Variants in GLRA2 observed in about 807,000 individuals in gnomAD.
GLRA2 encodes the protein glycine receptor alpha 2, also known as glycine receptor subunit alpha-2.
A neutral mutation model predicts 31.6 loss-of-function variants in GLRA2; 11 were observed. That is an observed-to-expected ratio of 0.35 (90% CI 0.22 to 0.58). GLRA2 has a LOEUF of 0.58. Ranked by LOEUF, GLRA2 falls within the 20% of genes least tolerant of loss-of-function variation. The probability of loss-of-function intolerance (pLI) is 0.84; values close to 1 mark genes in which losing one functional copy is unlikely to be tolerated. For missense variants in GLRA2, 212 were observed against 351.8 expected (o/e 0.60, Z 3.18); for synonymous variants, 132 against 134.0 (o/e 0.99, Z 0.10).
intron 2 of GLRA2, among the ~76,000 whole-genome samples, chrX:14,558,017 G>GA (rs2089675066): frequency 2.7e-5 from 3 of 111,277 alleles, no homozygotes; most frequent in Admixed American, 1.9e-4. Flanking sequence ...AAGCTAAGAA[G>GA]AAAAAACAAA....
chrX:14,517,445 A>G, the GLRA2 span, among the ~76,000 whole-genome samples: 5 of 111,920 alleles, frequency 4.5e-5, no homozygotes, highest in East Asian at 1.1e-3. Context: ...GAAACTTACA[A>G]TCATGGCAGA....
intron 7 of GLRA2, among the ~76,000 whole-genome samples, chrX:14,617,460 C>T (rs975597053): frequency 2.1e-4 from 23 of 111,913 alleles, no homozygotes; most frequent in African/African-American, 6.8e-4. Flanking sequence ...TGTCTACACC[C>T]TTGGGTAATA....
chrX:14,627,033 C>G (rs935359781), intron 7 of GLRA2, among the ~76,000 whole-genome samples: 1 of 111,144 alleles, frequency 9.0e-6, no homozygotes, highest in Non-Finnish European at 1.9e-5. Flanking sequence ...AAGTAATGTT[C>G]TATCTCTTGA....
At chrX:14,502,741 A>G in the GLRA2 span, among the ~76,000 whole-genome samples, 1 of 111,266 alleles carries the variant, frequency 9.0e-6, no homozygotes, top group Non-Finnish European at 1.9e-5. Context: ...CACATCACTC[A>G]TACCTGAACA....
At chrX:14,619,284 C>T (rs897009328) in intron 7 of GLRA2, among the ~76,000 whole-genome samples, 1 of 111,015 alleles carries the variant, frequency 9.0e-6, no homozygotes, top group Non-Finnish European at 1.9e-5. Context: ...AACATCTTCC[C>T]GTAGCTCCCT....
chrX:14,608,593 A>G (rs1270947953), intron 6 of GLRA2, among the ~76,000 whole-genome samples: 2 of 110,360 alleles, frequency 1.8e-5, no homozygotes, highest in Non-Finnish European at 3.8e-5. Context: ...AATATATAAT[A>G]TACTATATAT....
intron 4 of GLRA2, among the ~76,000 whole-genome samples, chrX:14,593,312 C>T (rs989029832): frequency 6.3e-5 from 7 of 111,795 alleles, no homozygotes; most frequent in East Asian, 5.6e-4. Flanking sequence ...AAAGAGGATA[C>T]GATATTTATC....
the GLRA2 span, among the ~76,000 whole-genome samples, chrX:14,471,792 A>G: frequency 1.8e-5 from 2 of 112,221 alleles, no homozygotes; most frequent in African/African-American, 6.5e-5. Context: ...ATTAACCACT[A>G]TAGAAATCCC....
intron 8 of GLRA2, among the ~76,000 whole-genome samples, chrX:14,702,516 A>G (rs934605166): frequency 8.9e-6 from 1 of 112,317 alleles, no homozygotes; most frequent in Admixed American, 9.4e-5. Context: ...TAAACTTACC[A>G]AAGCTTGTCT....
rs1386150376 is a variant in GLRA2, at chrX:14,582,211, C to T, written c.494+805C>T. ...TTAGGTATATCTCCCAATGCTATCCCTCCCCCTCCCCACCCCCACAACAGT... is the reference window on the plus strand; with the variant it reads ...TTAGGTATATCTCCCAATGCTATCCTTCCCCCTCCCCACCCCCACAACAGT... On this transcript the variant is annotated intron_variant, in intron 4 of 8. Transcript: ENST00000218075. Among the ~76,000 whole-genome samples the T allele has an allele frequency of 1.1e-4, 7 of 61,071 alleles. No homozygotes were observed. In the South Asian group the frequency reaches 3.7e-3, roughly 33 times the overall value. The allele number at this position is 61,071 out of a possible 115,157, so 53.0% of individuals were successfully genotyped here.
At chrX:14,585,168 G>C (rs1300521592) in intron 4 of GLRA2, among the ~76,000 whole-genome samples, 1 of 111,319 alleles carries the variant, frequency 9.0e-6, no homozygotes, top group East Asian at 2.8e-4. Context: ...GAGAATTGGG[G>C]ATATCATTTT....
chrX:14,526,777 A>G (rs1332933374), upstream of GLRA2, among the ~76,000 whole-genome samples: 1 of 112,240 alleles, frequency 8.9e-6, no homozygotes, highest in Admixed American at 9.4e-5. Context: ...AGGTCTGGGT[A>G]GAAATATACA....
intron 7 of GLRA2, among the ~76,000 whole-genome samples, chrX:14,655,309 T>C (rs1054946386): frequency 6.3e-5 from 7 of 110,980 alleles, no homozygotes; most frequent in Middle Eastern, 4.6e-3. Flanking sequence ...GGAGGCAAGC[T>C]AGGTTGTTTG....
chrX:14,562,088 C>T (rs1037566815), intron 2 of GLRA2, among the ~76,000 whole-genome samples: 8 of 111,950 alleles, frequency 7.1e-5, no homozygotes, highest in African/African-American at 2.3e-4. Context: ...ATGACACACA[C>T]TATTTATTTT....
At chrX:14,474,116 C>T in the GLRA2 span, among the ~76,000 whole-genome samples, 1 of 111,830 alleles carries the variant, frequency 8.9e-6, no homozygotes, top group Admixed American at 9.5e-5. Context: ...ACCTTGATTA[C>T]AACAGCCAAT....
the GLRA2 span, among the ~76,000 whole-genome samples, chrX:14,465,144 A>G: frequency 1.8e-5 from 2 of 111,682 alleles, no homozygotes; most frequent in South Asian, 7.4e-4. Context: ...ATGAATGTCT[A>G]TTTGTGTCCT....
chrX:14,594,034 A>G (rs1341420291), intron 4 of GLRA2, among the ~76,000 whole-genome samples: 1 of 112,343 alleles, frequency 8.9e-6, no homozygotes, highest in Non-Finnish European at 1.9e-5. Context: ...AGGATGGACC[A>G]TCCTATCAAC....
chrX:14,601,107 CA>C (rs969371656), intron 4 of GLRA2, among the ~76,000 whole-genome samples: 3 of 109,752 alleles, frequency 2.7e-5, no homozygotes, highest in Non-Finnish European at 5.7e-5. Context: ...TTCAAAAAAA[CA>C]AAGTCTTTAT....
chrX:14,577,801 C>T (rs896732377), intron 3 of GLRA2, among the ~76,000 whole-genome samples: 12 of 111,605 alleles, frequency 1.1e-4, no homozygotes, highest in Non-Finnish European at 1.9e-4. Context: ...CAGTCCATTG[C>T]ACACCCAAAG....
Sources: gnomAD v4.1 joint callset for allele counts (sites outside exome capture counted in the v4.1 genomes callset) on GRCh38, gnomAD v4.1.1 for gene constraint, MANE v1.5 for transcripts, NCBI Gene and HGNC (gene_info 2026-07-23, HGNC 2026-07-21) for gene names.